Variants in DMD observed in about 807,000 individuals in gnomAD.
DMD encodes the protein mutant dystrophin.
Under a neutral mutation model 330.1 loss-of-function variants are expected in DMD, and 63 were observed. The observed-to-expected ratio is 0.19, with a 90% CI of 0.16 to 0.24. The LOEUF (loss-of-function observed/expected upper bound fraction) is 0.24, where lower values mean the gene tolerates loss of function less well. DMD is among the 10% of genes least tolerant of loss of function. DMD has a pLI of 1.00. For synonymous variants in DMD, 1,223 were observed against 959.8 expected, an observed-to-expected ratio of 1.27 and a Z score of -5.07; for missense variants, 3,344 against 2,684.1, an observed-to-expected ratio of 1.25 and a Z score of -5.43.
intron 78 of DMD, among the ~76,000 whole-genome samples, chrX:31,123,482 C>A (rs1008073233): frequency 3.2e-4 from 36 of 111,899 alleles, no homozygotes; most frequent in Non-Finnish European, 5.5e-4. Flanking sequence ...CCATAAAAAC[C>A]ACAGGAAGAC....
intron 1 of DMD, among the ~76,000 whole-genome samples, chrX:33,049,249 C>T (rs1423286819): frequency 1.8e-5 from 2 of 111,812 alleles, no homozygotes; most frequent in Non-Finnish European, 3.8e-5. Context: ...AAACTTATCA[C>T]GATTTTCATC....
intron 57 of DMD, among the ~76,000 whole-genome samples, chrX:31,481,430 TACC>T (rs2068280827): frequency 8.9e-6 from 1 of 111,860 alleles, no homozygotes; most frequent in Admixed American, 9.5e-5. Flanking sequence ...AGGGCAATGG[TACC>T]AGGAAAAATG....
chrX:32,345,464 T>C (rs756366160), intron 39 of DMD, among the ~76,000 whole-genome samples: 1 of 111,296 alleles, frequency 9.0e-6, no homozygotes, highest in South Asian at 3.8e-4. Flanking sequence ...AAGAGTGACT[T>C]TCTTAAAGGC....
chrX:31,822,704 T>TGTG (rs2092800081), intron 49 of DMD, among the ~76,000 whole-genome samples: 1 of 24,479 alleles, frequency 4.1e-5, no homozygotes, highest in Non-Finnish European at 7.7e-5. Flanking sequence ...GTGTGTGTAT[T>TGTG]TTTCTTGCCT....
intron 1 of DMD, among the ~76,000 whole-genome samples, chrX:33,304,149 A>G (rs1230909629): frequency 9.0e-6 from 1 of 111,416 alleles, no homozygotes; most frequent in African/African-American, 3.3e-5. Context: ...CTCTCCAACA[A>G]TTAGAAATCT....
chrX:31,404,161 C>T (rs2061315358), intron 60 of DMD, among the ~76,000 whole-genome samples: 1 of 110,670 alleles, frequency 9.0e-6, no homozygotes, highest in Non-Finnish European at 1.9e-5. Context: ...TTAAAAAAAT[C>T]GAGGGTATGA....
chrX:31,836,568 A>G (rs1025651661), intron 49 of DMD, 150 bp downstream of exon 49: 2 of 512,683 alleles, frequency 3.9e-6, no homozygotes, highest in Non-Finnish European at 6.9e-6. Flanking sequence ...GATCAAAAAG[A>G]CAGCTTTGCC....
At chrX:32,670,981 C>T (rs188121943) in intron 9 of DMD, among the ~76,000 whole-genome samples, 18 of 110,328 alleles carry the variant, frequency 1.6e-4, no homozygotes, top group African/African-American at 5.6e-4. Flanking sequence ...GTACATTCCC[C>T]AGGGTTTGCT....
chrX:32,599,016 T>C (rs1021692930), intron 12 of DMD, among the ~76,000 whole-genome samples: 12 of 111,746 alleles, frequency 1.1e-4, no homozygotes, highest in Non-Finnish European at 2.3e-4. Context: ...GTATCTCTTC[T>C]CCTCTATGAC....
chrX:32,668,236 T>C (rs145614869), intron 9 of DMD, among the ~76,000 whole-genome samples: 5,224 of 112,015 alleles, frequency 0.047, 307 homozygotes, highest in African/African-American at 0.16. Flanking sequence ...CTGGCCCATT[T>C]GCTTATCAAA....
intron 9 of DMD, among the ~76,000 whole-genome samples, chrX:32,656,290 T>G (rs1396392294): frequency 8.9e-6 from 1 of 111,785 alleles, no homozygotes; most frequent in East Asian, 2.8e-4. Flanking sequence ...TCCTCAACCG[T>G]GACTACGAAG....
intron 44 of DMD, among the ~76,000 whole-genome samples, chrX:32,087,533 C>T (rs1251556668): frequency 1.8e-5 from 2 of 111,480 alleles, no homozygotes; most frequent in East Asian, 5.6e-4. Flanking sequence ...TGAGGTTCTC[C>T]TTACTGATAC....
chrX:32,619,943 C>G (rs773407714), intron 11 of DMD, among the ~76,000 whole-genome samples: 1 of 111,163 alleles, frequency 9.0e-6, no homozygotes, highest in Non-Finnish European at 1.9e-5. Flanking sequence ...CAATTCCAGC[C>G]ACTCCACAGT....
chrX:32,259,904 G>C (rs901487318), intron 43 of DMD, among the ~76,000 whole-genome samples: 1 of 111,326 alleles, frequency 9.0e-6, no homozygotes, highest in African/African-American at 3.3e-5. Flanking sequence ...AGAGGAGTTG[G>C]AGATCATCTC....
intron 61 of DMD, among the ~76,000 whole-genome samples, chrX:31,330,930 G>T (rs993441912): frequency 8.9e-5 from 10 of 111,857 alleles, no homozygotes; most frequent in Non-Finnish European, 1.9e-4. Context: ...ATTAAAATAA[G>T]GATAGTGCTT....
Position 33,005,090 on chromosome X carries a change from C to T in DMD, c.93+15049G>A, listed in dbSNP as rs187983936. On this transcript the variant is annotated intron_variant, in intron 2 of 78. Transcript: ENST00000357033. ...GTAAATTGGGATCCCATTACCACTGCTTGCAATTGTTTTGCCTCGAATTGG... is the reference window on the plus strand; with the variant it reads ...GTAAATTGGGATCCCATTACCACTGTTTGCAATTGTTTTGCCTCGAATTGG... Among the ~76,000 whole-genome samples, 494 of 110,748 alleles carry T rather than the reference C, an allele frequency of 4.5e-3. 1 individual carries two copies. Among genetic ancestry groups the T allele is most frequent in the African/African-American group, 0.015 (453 of 30,582 alleles).
At chrX:32,908,096 C>A (rs1016517244) in intron 2 of DMD, among the ~76,000 whole-genome samples, 6 of 111,781 alleles carry the variant, frequency 5.4e-5, no homozygotes, top group African/African-American at 1.3e-4. Context: ...TCACCCTTGA[C>A]CCTTTGCAAG....
chrX:32,708,902 T>C (rs2064931875), intron 7 of DMD, among the ~76,000 whole-genome samples: 1 of 111,667 alleles, frequency 9.0e-6, no homozygotes, highest in Non-Finnish European at 1.9e-5. Flanking sequence ...AAATAACTGA[T>C]GGCGAATTAA....
chrX:31,777,373 C>G (rs1183110195), intron 50 of DMD, among the ~76,000 whole-genome samples: 1 of 110,887 alleles, frequency 9.0e-6, no homozygotes, highest in African/African-American at 3.3e-5. Flanking sequence ...TTTTTCCTAT[C>G]GAAGGGAGAA....
Sources: gnomAD v4.1 joint callset for allele counts (sites outside exome capture counted in the v4.1 genomes callset) on GRCh38, gnomAD v4.1.1 for gene constraint, MANE v1.5 for transcripts, NCBI Gene and HGNC (gene_info 2026-07-23, HGNC 2026-07-21) for gene names.